Variants in DCUN1D4 observed in about 807,000 individuals in gnomAD.
The protein encoded by DCUN1D4 is defective in cullin neddylation 1 domain containing 4.
A neutral mutation model predicts 47.9 loss-of-function variants in DCUN1D4; 22 were observed. The observed-to-expected ratio is 0.46, with a 90% confidence interval of 0.33 to 0.66. DCUN1D4 has a LOEUF of 0.66. Among genes scored for constraint, DCUN1D4 ranks in the 30% least tolerant of loss-of-function variants. DCUN1D4 has a pLI of 0.02. For missense variants in DCUN1D4, 301 were observed against 340.8 expected (o/e 0.88, Z 0.92); for synonymous variants, 121 against 112.2 (o/e 1.08, Z -0.50).
chr4:51,900,848 C>T (rs1731992181), intron 8 of DCUN1D4, among the ~76,000 whole-genome samples: 1 of 152,176 alleles, frequency 6.6e-6, no homozygotes, highest in African/African-American at 2.4e-5. Flanking sequence ...ACCTTCTCTA[C>T]CCAAATCAGC....
At chr4:51,843,473 C>G in intron 1 of DCUN1D4, 1 of 1,205,920 alleles carries the variant, frequency 8.3e-7, no homozygotes, top group Non-Finnish European at 1.1e-6. Context: ...GGGAAGGGAC[C>G]GGCCTGCGGG....
intron 4 of DCUN1D4, among the ~76,000 whole-genome samples, chr4:51,876,415 G>A (rs952921326): frequency 6.6e-6 from 1 of 150,386 alleles, no homozygotes; most frequent in African/African-American, 2.4e-5. Flanking sequence ...CGGGGGGCCT[G>A]TTGTGGGGTG....
intron 3 of DCUN1D4, among the ~76,000 whole-genome samples, chr4:51,870,903 C>A (rs567450182): frequency 1.9e-4 from 29 of 151,576 alleles, no homozygotes; most frequent in Admixed American, 1.6e-3. Flanking sequence ...TGAATGGGTT[C>A]CAGGGTGGCT....
At chr4:51,899,182 C>A in intron 7 of DCUN1D4, 88 bp from the exon 8 acceptor site, 1 of 1,399,178 alleles carries the variant, frequency 7.1e-7, no homozygotes. Context: ...TTGTTCTTTC[C>A]TTTGGTATTG....
chr4:51,911,969 C>T (rs564473515), intron 9 of DCUN1D4, among the ~76,000 whole-genome samples: 1 of 152,228 alleles, frequency 6.6e-6, no homozygotes, highest in East Asian at 1.9e-4. Flanking sequence ...TGGCTTCACT[C>T]TTGAATAATC....
At chr4:51,866,560 C>T (rs910820532) in intron 3 of DCUN1D4, among the ~76,000 whole-genome samples, 2 of 152,006 alleles carry the variant, frequency 1.3e-5, no homozygotes, top group African/African-American at 2.4e-5. Flanking sequence ...TTTTATAATA[C>T]GTTCCTTCAG....
At chr4:51,883,982 A>AAT (rs1183066142) in intron 5 of DCUN1D4, among the ~76,000 whole-genome samples, 1 of 148,624 alleles carries the variant, frequency 6.7e-6, no homozygotes, top group Non-Finnish European at 1.5e-5. Flanking sequence ...GGAATATATA[A>AAT]ATATATATAT....
At chr4:51,903,976 G>C (rs1215471307) in intron 8 of DCUN1D4, among the ~76,000 whole-genome samples, 1 of 150,916 alleles carries the variant, frequency 6.6e-6, no homozygotes, top group Non-Finnish European at 1.5e-5. Context: ...GTCTCTTTCT[G>C]TTGGTTTATT....
intron 3 of DCUN1D4, among the ~76,000 whole-genome samples, chr4:51,865,693 G>C (rs1044845825): frequency 2.0e-5 from 3 of 152,030 alleles, no homozygotes; most frequent in Non-Finnish European, 4.4e-5. Context: ...TTCATTTAAT[G>C]GTGCATTTTG....
At chr4:51,838,522 C>T (rs1368944592), upstream of DCUN1D4, among the ~76,000 whole-genome samples, 1 of 152,090 alleles carries the variant, frequency 6.6e-6, no homozygotes, top group Non-Finnish European at 1.5e-5. Context: ...GCTAGGATTA[C>T]AGGCAGCTGC....
At chr4:51,839,053 C>T (rs111416218), upstream of DCUN1D4, among the ~76,000 whole-genome samples, 4 of 150,474 alleles carry the variant, frequency 2.7e-5, no homozygotes, top group East Asian at 2.0e-4. Flanking sequence ...CCAGCCTGGG[C>T]GACAGAGTGA....
rs757919695 is a variant in DCUN1D4 at position 51,911,051 on chromosome 4, G to T, written c.616-19G>T. ...ATTTGGGGGCATCTGGCTCATCCTTGTTTTTGTTTGTTAAACAGGAAAAGG... is the reference window on the plus strand; with the variant it reads ...ATTTGGGGGCATCTGGCTCATCCTTTTTTTTGTTTGTTAAACAGGAAAAGG... On this transcript the variant is annotated intron_variant, in intron 8 of 10. Transcript: ENST00000334635. The T allele has an allele frequency of 2.5e-6, 4 of 1,611,294 alleles. No homozygotes were observed. Among genetic ancestry groups the T allele is most frequent in the Non-Finnish European group, 3.4e-6 (4 of 1,177,812 alleles).
At chr4:51,878,029 A>G (rs1223650004) in intron 5 of DCUN1D4, 175 bp downstream of exon 5, 2 of 378,596 alleles carry the variant, frequency 5.3e-6, no homozygotes, top group Non-Finnish European at 4.7e-6. Context: ...AGCCTATTTT[A>G]TAGCCAGCAG....
intron 5 of DCUN1D4, among the ~76,000 whole-genome samples, chr4:51,884,106 T>C (rs1026247159): frequency 6.6e-6 from 1 of 151,872 alleles, no homozygotes. Flanking sequence ...AAGTAAAATA[T>C]TGTGTAATGA....
At chr4:51,848,332 C>T (rs1462861560) in intron 1 of DCUN1D4, 3 of 1,284,530 alleles carry the variant, frequency 2.3e-6, no homozygotes, top group African/African-American at 1.5e-5. Context: ...CTCGTGTCAG[C>T]GTCCTACCTG....
chr4:51,859,986 C>T (rs1577877189), intron 1 of DCUN1D4, among the ~76,000 whole-genome samples: 1 of 152,140 alleles, frequency 6.6e-6, no homozygotes, highest in Non-Finnish European at 1.5e-5. Flanking sequence ...CCCTTAACAT[C>T]TAGGCCTTAA....
At chr4:51,847,019 G>C (rs1236959452) in intron 1 of DCUN1D4, among the ~76,000 whole-genome samples, 1 of 152,154 alleles carries the variant, frequency 6.6e-6, no homozygotes, top group Non-Finnish European at 1.5e-5. Flanking sequence ...AGTGTCATTG[G>C]ATTGAACTGA....
intron 8 of DCUN1D4, among the ~76,000 whole-genome samples, chr4:51,906,302 T>C (rs1732885432): frequency 6.6e-6 from 1 of 152,178 alleles, no homozygotes; most frequent in Non-Finnish European, 1.5e-5. Flanking sequence ...CACTGTCCTC[T>C]TCTCTGTACC....
At chr4:51,845,097 C>G in intron 1 of DCUN1D4, 1 of 985,444 alleles carries the variant, frequency 1.0e-6, no homozygotes, top group Non-Finnish European at 1.2e-6. Flanking sequence ...TGGTCTTGTA[C>G]CATCATGCGC....
Sources: gnomAD v4.1 joint callset for allele counts (sites outside exome capture counted in the v4.1 genomes callset) on GRCh38, gnomAD v4.1.1 for gene constraint, MANE v1.5 for transcripts, NCBI Gene and HGNC (gene_info 2026-07-23, HGNC 2026-07-21) for gene names.